The following HS2ST1 variants were observed in gnomAD, a reference collection of about 807,000 sequenced individuals.
HS2ST1 encodes the protein heparan sulfate 2-O-sulfotransferase 1.
In HS2ST1, 18 loss-of-function variants were observed where a neutral mutation model predicts 42.9. The ratio of observed to expected loss-of-function variants is 0.42; its 90% CI spans 0.29 to 0.62. The LOEUF (loss-of-function observed/expected upper bound fraction) is 0.62. Ranked by LOEUF, HS2ST1 falls within the 20% of genes least tolerant of loss-of-function variation. HS2ST1 has a pLI of 0.21. For missense variants in HS2ST1, 334 were observed against 433.8 expected, an observed-to-expected ratio of 0.77 and a Z score of 2.04; for synonymous variants, 146 against 152.9, an observed-to-expected ratio of 0.95 and a Z score of 0.33.
intron 1 of HS2ST1, among the ~76,000 whole-genome samples, chr1:86,952,163 G>A (rs915800409): frequency 1.3e-5 from 2 of 152,152 alleles, no homozygotes; most frequent in African/African-American, 4.8e-5. Flanking sequence ...TTTCTAGAAC[G>A]TTTTCAGTTT....
intron 1 of HS2ST1, among the ~76,000 whole-genome samples, chr1:86,954,457 T>A (rs900656690): frequency 6.6e-6 from 1 of 152,210 alleles, no homozygotes; most frequent in African/African-American, 2.4e-5. Context: ...AAAAAAGACG[T>A]TGATTTGAGA....
intron 1 of HS2ST1, among the ~76,000 whole-genome samples, chr1:87,035,537 A>G (rs955933116): frequency 7.2e-5 from 11 of 152,164 alleles, no homozygotes; most frequent in African/African-American, 2.7e-4. Context: ...AATTTTTAGT[A>G]TGCAGCCTCT....
chr1:87,075,801 A>G (rs1651527701), intron 2 of HS2ST1, among the ~76,000 whole-genome samples: 1 of 152,020 alleles, frequency 6.6e-6, no homozygotes, highest in Non-Finnish European at 1.5e-5. Flanking sequence ...AAATATTTTT[A>G]GTCTGGTATA....
intron 4 of HS2ST1, among the ~76,000 whole-genome samples, chr1:87,093,768 G>A (rs894118719): frequency 2.6e-5 from 4 of 151,876 alleles, no homozygotes; most frequent in Non-Finnish European, 5.9e-5. Flanking sequence ...CCAGATACTT[G>A]GTATGTTAAT....
At chr1:87,053,148 A>G (rs1434273527) in intron 1 of HS2ST1, among the ~76,000 whole-genome samples, 1 of 152,186 alleles carries the variant, frequency 6.6e-6, no homozygotes, top group Admixed American at 6.5e-5. Flanking sequence ...TGATACCCAA[A>G]CCCAGCTGGA....
chr1:86,936,924 C>A (rs945143964), intron 1 of HS2ST1, among the ~76,000 whole-genome samples: 2 of 141,614 alleles, frequency 1.4e-5, no homozygotes, highest in African/African-American at 5.5e-5. Flanking sequence ...GGTGAAACCC[C>A]GTCTCTACTA....
chr1:87,052,740 C>T (rs1650868177), intron 1 of HS2ST1, among the ~76,000 whole-genome samples: 1 of 152,154 alleles, frequency 6.6e-6, no homozygotes. Context: ...CTAGTTTATA[C>T]CATTACGTTG....
intron 1 of HS2ST1, among the ~76,000 whole-genome samples, chr1:87,062,668 C>CT (rs1451010374): frequency 2.0e-5 from 3 of 152,054 alleles, no homozygotes; most frequent in African/African-American, 7.2e-5. Flanking sequence ...AAGATTTCTT[C>CT]TTTTATCTTT....
chr1:86,919,265 G>C (rs1171978255), intron 1 of HS2ST1, among the ~76,000 whole-genome samples: 5 of 151,954 alleles, frequency 3.3e-5, no homozygotes, highest in Non-Finnish European at 7.4e-5. Flanking sequence ...TTTTGTCCAA[G>C]TTTGCCATTT....
At position 87,058,451 on chromosome 1, in the gene HS2ST1, TG is replaced by T. The variant is rs1297292695; in HGVS notation, c.125-14482del. ...CTTAGCTAAGTGCACTGTTTTGTTT[TG>T]TTTTTTTTTAAGTTTTTTATGTGGC... On this transcript the variant is annotated intron_variant, in intron 1 of 6. Transcript: ENST00000370550. Among the ~76,000 whole-genome samples, 7 of 151,778 alleles carry T rather than the reference TG, an allele frequency of 4.6e-5. No homozygotes were observed. In the South Asian group the frequency reaches 6.2e-4, roughly 13 times the overall value.
At chr1:87,086,162 C>A (rs1003944983) in intron 3 of HS2ST1, among the ~76,000 whole-genome samples, 1 of 152,088 alleles carries the variant, frequency 6.6e-6, no homozygotes, top group Non-Finnish European at 1.5e-5. Flanking sequence ...AAAGAAACAT[C>A]GCCTTACCAA....
intron 1 of HS2ST1, among the ~76,000 whole-genome samples, chr1:87,065,994 G>C (rs1387519005): frequency 6.6e-6 from 1 of 152,022 alleles, no homozygotes; most frequent in Admixed American, 6.6e-5. Context: ...GTCCTAAAAT[G>C]TTACCCATAA....
intron 1 of HS2ST1, among the ~76,000 whole-genome samples, chr1:87,072,686 T>A (rs1651440666): frequency 6.6e-6 from 1 of 152,210 alleles, no homozygotes; most frequent in Non-Finnish European, 1.5e-5. Context: ...CTCAAAACAT[T>A]TCTTCAACAG....
At chr1:87,048,301 C>T (rs1273420251) in intron 1 of HS2ST1, among the ~76,000 whole-genome samples, 1 of 152,106 alleles carries the variant, frequency 6.6e-6, no homozygotes, top group Non-Finnish European at 1.5e-5. Flanking sequence ...TTATTAGATT[C>T]TTTTGGAATT....
chr1:87,026,272 C>T (rs932180586), intron 1 of HS2ST1, among the ~76,000 whole-genome samples: 3 of 152,162 alleles, frequency 2.0e-5, no homozygotes, highest in African/African-American at 7.2e-5. Flanking sequence ...ATGAGAAATA[C>T]TTGTAATTAT....
At chr1:87,091,480 A>C (rs1442484630) in intron 3 of HS2ST1, among the ~76,000 whole-genome samples, 3 of 151,998 alleles carry the variant, frequency 2.0e-5, no homozygotes, top group African/African-American at 7.2e-5. Context: ...GAGTTATTTC[A>C]GATTCCTAAG....
At chr1:87,037,127 CTT>C in intron 1 of HS2ST1, among the ~76,000 whole-genome samples, 1 of 26,948 alleles carries the variant, frequency 3.7e-5, no homozygotes, top group Non-Finnish European at 1.2e-4. Context: ...CTGCTCCCAA[CTT>C]TTGCTTTATC....
intron 3 of HS2ST1, among the ~76,000 whole-genome samples, chr1:87,086,835 CT>C (rs1651828822): frequency 6.6e-6 from 1 of 151,206 alleles, no homozygotes; most frequent in African/African-American, 2.4e-5. Context: ...GTTCTTCTTC[CT>C]TTCCATTTTT....
intron 1 of HS2ST1, among the ~76,000 whole-genome samples, chr1:86,937,721 C>T (rs149977885): frequency 2.0e-4 from 30 of 151,886 alleles, no homozygotes; most frequent in Admixed American, 2.0e-3. Context: ...TTCCTTCTAC[C>T]TTATATATAT....
Sources: allele counts gnomAD v4.1 joint callset (sites outside exome capture counted in the v4.1 genomes callset), GRCh38; gene constraint gnomAD v4.1.1; transcripts MANE v1.5; gene names NCBI Gene and HGNC (gene_info 2026-07-23, HGNC 2026-07-21).